Variants in ERCC6L observed in about 807,000 individuals in gnomAD.
The protein encoded by ERCC6L is ERCC excision repair 6 like, spindle assembly checkpoint helicase.
Under a neutral mutation model 20.1 loss-of-function variants are expected in ERCC6L, and 7 were observed. That is an observed-to-expected ratio of 0.35 (90% CI 0.20 to 0.65). ERCC6L has a LOEUF of 0.65. Ranked by LOEUF, ERCC6L falls within the 30% of genes least tolerant of loss-of-function variation. The pLI, the probability that ERCC6L is intolerant of heterozygous loss-of-function variation, is 0.69. For missense variants in ERCC6L, 592 were observed against 892.4 expected (o/e 0.66, Z 4.29); for synonymous variants, 278 against 331.3 (o/e 0.84, Z 1.75).
At chrX:72,214,206 G>A (rs1171158153) in intron 1 of ERCC6L, among the ~76,000 whole-genome samples, 1 of 111,592 alleles carries the variant, frequency 9.0e-6, no homozygotes, top group Non-Finnish European at 1.9e-5. Context: ...TTTTAATTAA[G>A]GTGGGGATCA....
intron 1 of ERCC6L, among the ~76,000 whole-genome samples, chrX:72,230,836 G>A (rs1276616240): frequency 9.0e-6 from 1 of 111,393 alleles, no homozygotes. Context: ...ATGGTGGTGT[G>A]CACCTGTGAT....
At position 72,234,673 on chromosome X, in the gene ERCC6L, G is replaced by A. The variant is rs767010308; in HGVS notation, c.68+4171C>T. ...AGGGATGAGATCTTTTGCACAAATG[G>A]AGGGGTTGTGCCTTAGCTAGAAGCA... is the stretch of plus-strand genomic sequence containing the variant. On this transcript the variant is annotated intron_variant, in intron 1 of 1. Coordinates refer to ENST00000334463, the MANE Select transcript of ERCC6L (RefSeq NM_017669.4). 1.1e-4 allele frequency among the ~76,000 whole-genome samples: 12 copies of A among 111,302 alleles called. 1 individual carries two copies. The East Asian group carries it at 3.4e-3, about 31-fold the overall frequency.
rs2042810271 is a variant in ERCC6L at position 72,205,221 on chromosome X, A to C, written c.3546T>G (p.Gly1182=). The part of the protein sequence containing the change: ...TSLGAPEPLS[G]EQLVGSPQDK... Reference sequence around the variant, plus strand: ...CCTGGGGAGAACCAACCAACTGTTCACCAGACAAAGGCTCAGGGGCACCAA... The same window carrying C: ...CCTGGGGAGAACCAACCAACTGTTCCCCAGACAAAGGCTCAGGGGCACCAA... The change falls in exon 2 of 2, where the codon GGT becomes GGG. Residue 1182 remains glycine (G), a synonymous_variant. Transcript: ENST00000334463. 1 of 1,210,015 alleles carries C rather than the reference A, an allele frequency of 8.3e-7. No homozygotes were observed. The highest frequency in any genetic ancestry group is 1.1e-6 in the Non-Finnish European group (1 of 895,230).
chrX:72,238,837 G>T lies in ERCC6L; in HGVS notation c.68+7C>A, dbSNP rs552460985. On this transcript the variant is annotated splice_region_variant and intron_variant, in intron 1 of 1. Transcript: ENST00000334463. ...TTAGCTAGACCCGCCCAGCGGTCCAGACATACCTTAGGTAATGAGCAGCCT... is the reference window on the plus strand; with the variant it reads ...TTAGCTAGACCCGCCCAGCGGTCCATACATACCTTAGGTAATGAGCAGCCT... 1 of 1,186,258 alleles carries T rather than the reference G, an allele frequency of 8.4e-7. No individual in the cohort carries two copies. The highest frequency in any genetic ancestry group is 1.9e-5 in the South Asian group (1 of 53,834).
chrX:72,205,798 G>C lies in ERCC6L; in HGVS notation c.2969C>G (p.Ala990Gly), dbSNP rs759679045. Residue 990 changes from alanine (A) to glycine (G), a missense_variant, in exon 2 of 2, where the codon GCA becomes GGA. This residue lies in a region of ERCC6L where 352 missense variants were observed against 402.6 expected (regional missense o/e 0.87). Coordinates refer to ENST00000334463, the MANE Select transcript of ERCC6L (RefSeq NM_017669.4). ...ACATGTTTTGCTATGCACAAACCCT[G>C]CTCTGGAATTAGGTGCAGAGCCACA... ...SLCGSAPNSR[A>G]GFVHSKTCLS... 28 of 1,210,354 alleles carry C rather than the reference G, an allele frequency of 2.3e-5. No homozygotes were observed. Among genetic ancestry groups the C allele is most frequent in the Non-Finnish European group, 2.9e-5 (26 of 895,341 alleles).
intron 1 of ERCC6L, among the ~76,000 whole-genome samples, chrX:72,212,904 C>T (rs1329909475): frequency 9.0e-6 from 1 of 111,516 alleles, no homozygotes; most frequent in Non-Finnish European, 1.9e-5. Context: ...GATCGTGTCA[C>T]CACTGCACTC....
At chrX:72,223,935 C>T (rs1429985390) in intron 1 of ERCC6L, among the ~76,000 whole-genome samples, 3 of 110,943 alleles carry the variant, frequency 2.7e-5, no homozygotes, top group Non-Finnish European at 3.8e-5. Flanking sequence ...TCTTTGGGGA[C>T]ACTGGAAAAT....
intron 1 of ERCC6L, among the ~76,000 whole-genome samples, chrX:72,234,041 C>T (rs1373252809): frequency 9.2e-6 from 1 of 108,862 alleles, no homozygotes; most frequent in African/African-American, 3.4e-5. Context: ...ACCTGGGAGG[C>T]AGAGGTTGCA....
At chrX:72,209,938 TGGATCATAGATC>T (rs1345290820) in intron 1 of ERCC6L, among the ~76,000 whole-genome samples, 1 of 110,738 alleles carries the variant, frequency 9.0e-6, no homozygotes, top group Non-Finnish European at 1.9e-5. Flanking sequence ...TAACTCAAAA[TGGATCATAGATC>T]TAAATCTAAG....
chrX:72,228,619 T>C (rs1452510677), intron 1 of ERCC6L, among the ~76,000 whole-genome samples: 1 of 111,931 alleles, frequency 8.9e-6, no homozygotes, highest in Non-Finnish European at 1.9e-5. Context: ...GTTACAGTCC[T>C]TCAGCGGTAC....
rs764610497 is a variant in ERCC6L at position 72,219,753 on chromosome X, G to A, written c.69-11055C>T. Among the ~76,000 whole-genome samples, 20 of 108,576 alleles carry A rather than the reference G, an allele frequency of 1.8e-4. No individual in the cohort carries two copies. In the East Asian group the frequency reaches 5.9e-3, roughly 32 times the overall value. 94.3% of individuals were successfully genotyped at this position (108,576 alleles called of 115,157 possible). ...CATCCCAGCTACTCAGGAGGCTGAG[G>A]CAGGAGAATCACTTGAACCCGGGAG... On this transcript the variant is annotated intron_variant, in intron 1 of 1. Coordinates refer to ENST00000334463, the MANE Select transcript of ERCC6L (RefSeq NM_017669.4).
intron 1 of ERCC6L, among the ~76,000 whole-genome samples, chrX:72,229,333 C>A (rs965809299): frequency 2.7e-5 from 3 of 111,915 alleles, no homozygotes; most frequent in Non-Finnish European, 3.8e-5. Flanking sequence ...CGTTTGACAG[C>A]CTCTCTCTCA....
intron 1 of ERCC6L, among the ~76,000 whole-genome samples, chrX:72,219,664 A>G (rs939356558): frequency 2.8e-5 from 3 of 108,876 alleles, no homozygotes; most frequent in African/African-American, 1.0e-4. Context: ...CCTGACCAAC[A>G]TGAAGAAGCC....
At chrX:72,238,567 A>G (rs1282756152) in intron 1 of ERCC6L, among the ~76,000 whole-genome samples, 1 of 112,554 alleles carries the variant, frequency 8.9e-6, no homozygotes, top group Non-Finnish European at 1.9e-5. Context: ...GAAAAGAATC[A>G]AGAAGGGCTT....
At position 72,210,202 on chromosome X, in the gene ERCC6L, A is replaced by AAAT. The variant is rs2042845642; in HGVS notation, c.69-1505_69-1504insATT. On this transcript the variant is annotated intron_variant, in intron 1 of 1. Coordinates refer to ENST00000334463, the MANE Select transcript of ERCC6L (RefSeq NM_017669.4). ...ATAACATAGCGAGACTGTCTCTTAA[A>AAAT]AAATAAATAAATAAATAAATAAATA... 2.0e-4 allele frequency among the ~76,000 whole-genome samples: 19 copies of AAAT among 97,190 alleles called. No individual in the cohort carries two copies. In the South Asian group the frequency reaches 3.0e-3, roughly 15 times the overall value. 84.4% of individuals were successfully genotyped at this position (97,190 alleles called of 115,157 possible).
chrX:72,232,273 TA>T (rs56070381), intron 1 of ERCC6L, among the ~76,000 whole-genome samples: 1,004 of 61,396 alleles, frequency 0.016, 20 homozygotes, highest in African/African-American at 0.068. Flanking sequence ...GAAGGAGTAT[TA>T]AAAAAAAAAA....
Position 72,208,125 on chromosome X carries a change from G to T in ERCC6L, c.642C>A (p.Ser214Arg). 8.3e-6 allele frequency: 10 copies of T among 1,211,565 alleles called. No homozygotes were observed. The highest frequency in any genetic ancestry group is 1.1e-5 in the Non-Finnish European group (10 of 895,358). The change falls in exon 2 of 2, where the codon AGC becomes AGA. Residue 214 changes from serine (S) to arginine (R), a missense_variant. Transcript: ENST00000334463. ...CCCACACAAACTCTTGGCCCCTAAA[G>T]CTTGAAAGTTGCTGCCAGTTATTGA... ...MLINNWQQLS[S>R]FRGQEFVWDY...
At chrX:72,237,603 G>GAAAAAA (rs60931189) in intron 1 of ERCC6L, among the ~76,000 whole-genome samples, 5 of 91,037 alleles carry the variant, frequency 5.5e-5, no homozygotes, top group Non-Finnish European at 1.1e-4. Flanking sequence ...ATCAAAAAAA[G>GAAAAAA]AAAAAAAAAA....
chrX:72,212,281 T>A lies in ERCC6L; in HGVS notation c.69-3583A>T, dbSNP rs754980153. Among the ~76,000 whole-genome samples the A allele has an allele frequency of 3.2e-3, 350 of 109,054 alleles. 2 individuals carry two copies. Among genetic ancestry groups the A allele is most frequent in the East Asian group, 8.4e-3 (29 of 3,450 alleles). 94.7% of individuals were successfully genotyped at this position (109,054 alleles called of 115,157 possible). On this transcript the variant is annotated intron_variant, in intron 1 of 1. Coordinates refer to ENST00000334463, the MANE Select transcript of ERCC6L (RefSeq NM_017669.4). ...CGAGACCCCATCTCAAAAAAAATAA[T>A]AATAATAATAATAAAATCATCTCTG...
Sources: allele counts gnomAD v4.1 joint callset (sites outside exome capture counted in the v4.1 genomes callset), GRCh38; gene constraint gnomAD v4.1.1; regional missense constraint gnomAD v4.1.1; transcripts MANE v1.5; gene names NCBI Gene and HGNC (gene_info 2026-07-23, HGNC 2026-07-21).